The following ESCO1 variants were observed in gnomAD, a reference collection of about 807,000 sequenced individuals.
The protein encoded by ESCO1 is establishment of sister chromatid cohesion N-acetyltransferase 1.
In ESCO1, 33 loss-of-function variants were observed where a neutral mutation model predicts 83.5. The observed-to-expected ratio is 0.40, with a 90% confidence interval of 0.30 to 0.53. The LOEUF (loss-of-function observed/expected upper bound fraction) is 0.53. Among genes scored for constraint, ESCO1 ranks in the 20% least tolerant of loss-of-function variants. The pLI is 0.63. For synonymous variants in ESCO1, 332 were observed against 324.3 expected (o/e 1.02, Z -0.25); for missense variants, 855 against 968.0 (o/e 0.88, Z 1.55).
chr18:21,572,328 G>T (rs2038352061), intron 4 of ESCO1, among the ~76,000 whole-genome samples: 1 of 152,090 alleles, frequency 6.6e-6, no homozygotes, highest in Non-Finnish European at 1.5e-5. Context: ...CTGCTTATTG[G>T]TTTTATATAT....
intron 10 of ESCO1, among the ~76,000 whole-genome samples, chr18:21,535,288 C>T (rs1270692397): frequency 6.6e-6 from 1 of 151,634 alleles, no homozygotes; most frequent in African/African-American, 2.4e-5. Context: ...GACCTTGGCT[C>T]ACTACAACCT....
intron 8 of ESCO1, among the ~76,000 whole-genome samples, chr18:21,548,222 G>A (rs1295929255): frequency 1.3e-5 from 2 of 152,230 alleles, no homozygotes; most frequent in Non-Finnish European, 2.9e-5. Context: ...GCCAGGTACA[G>A]TGATTCACAC....
chr18:21,554,892 A>G (rs2038092989), intron 8 of ESCO1, among the ~76,000 whole-genome samples: 1 of 152,034 alleles, frequency 6.6e-6, no homozygotes, highest in African/African-American at 2.4e-5. Context: ...TGGGGGACAG[A>G]GTGAGGCTCC....
chr18:21,582,554 G>A (rs530807208), intron 2 of ESCO1, among the ~76,000 whole-genome samples: 1 of 152,228 alleles, frequency 6.6e-6, no homozygotes, highest in East Asian at 1.9e-4. Context: ...TTGTTTTCAC[G>A]TGAGAAAGGC....
chr18:21,590,153 C>T (rs1445292999), intron 1 of ESCO1, among the ~76,000 whole-genome samples: 1 of 151,420 alleles, frequency 6.6e-6, no homozygotes, highest in Non-Finnish European at 1.5e-5. Flanking sequence ...AGTTATTTTC[C>T]CTTACTACCT....
chr18:21,580,188 C>T (rs1321902315), intron 2 of ESCO1, among the ~76,000 whole-genome samples: 3 of 151,938 alleles, frequency 2.0e-5, no homozygotes, highest in Non-Finnish European at 2.9e-5. Context: ...CATGAATCAC[C>T]GCGCCCAGCC....
At chr18:21,583,547 G>A (rs1379573845) in intron 2 of ESCO1, among the ~76,000 whole-genome samples, 1 of 152,040 alleles carries the variant, frequency 6.6e-6, no homozygotes, top group Non-Finnish European at 1.5e-5. Flanking sequence ...AGGAGGCTGA[G>A]GCAGGAGAAC....
intron 1 of ESCO1, among the ~76,000 whole-genome samples, chr18:21,591,779 C>A (rs1035539221): frequency 1.3e-4 from 19 of 151,304 alleles, no homozygotes; most frequent in African/African-American, 4.6e-4. Flanking sequence ...AACAAGTGAA[C>A]AAAGGTCTCT....
intron 1 of ESCO1, among the ~76,000 whole-genome samples, chr18:21,587,052 T>C (rs374480112): frequency 6.6e-6 from 1 of 152,210 alleles, no homozygotes; most frequent in African/African-American, 2.4e-5. Context: ...CTGATTTTTA[T>C]ATGCTGAACC....
At chr18:21,567,612 G>GTTC (rs1216413236) in intron 5 of ESCO1, among the ~76,000 whole-genome samples, 1 of 152,088 alleles carries the variant, frequency 6.6e-6, no homozygotes, top group Non-Finnish European at 1.5e-5. Context: ...GTAAATAAGG[G>GTTC]TTAAAGATAA....
chr18:21,567,551 CATTT>C (rs1167999047), intron 5 of ESCO1, among the ~76,000 whole-genome samples: 2 of 151,134 alleles, frequency 1.3e-5, no homozygotes, highest in African/African-American at 4.9e-5. Context: ...CAATTTGCAG[CATTT>C]ATTAAATCCT....
chr18:21,571,039 G>C (rs1218485876), intron 4 of ESCO1, among the ~76,000 whole-genome samples: 1 of 151,748 alleles, frequency 6.6e-6, no homozygotes, highest in African/African-American at 2.4e-5. Context: ...TAACTTTAAA[G>C]GATTTTCAGT....
At chr18:21,596,439 T>C (rs1219850228) in intron 1 of ESCO1, among the ~76,000 whole-genome samples, 1 of 152,168 alleles carries the variant, frequency 6.6e-6, no homozygotes, top group Non-Finnish European at 1.5e-5. Flanking sequence ...TTAAAGTTCT[T>C]AGAAAAGCTC....
intron 1 of ESCO1, among the ~76,000 whole-genome samples, chr18:21,599,326 G>A (rs777411561): frequency 6.6e-6 from 1 of 152,210 alleles, no homozygotes; most frequent in African/African-American, 2.4e-5. Flanking sequence ...CTGGGCGACA[G>A]AGCGAGACCC....
chr18:21,557,771 G>A (rs192662150), intron 8 of ESCO1, among the ~76,000 whole-genome samples: 2 of 152,274 alleles, frequency 1.3e-5, no homozygotes, highest in East Asian at 1.9e-4. Flanking sequence ...GTTCCTGATA[G>A]GTTTCTGGCA....
At chr18:21,593,182 A>G in intron 1 of ESCO1, 1 of 190,484 alleles carries the variant, frequency 5.2e-6, no homozygotes. Context: ...CACTTCCTAG[A>G]CGGGGTGGCA....
chr18:21,542,474 G>C (rs1366959449), intron 8 of ESCO1, among the ~76,000 whole-genome samples: 1 of 152,162 alleles, frequency 6.6e-6, no homozygotes, highest in Non-Finnish European at 1.5e-5. Flanking sequence ...CTCTGATTCT[G>C]TTTCCTGATC....
chr18:21,559,285 G>A (rs1036392478), intron 8 of ESCO1, among the ~76,000 whole-genome samples: 3 of 152,218 alleles, frequency 2.0e-5, no homozygotes, highest in Non-Finnish European at 2.9e-5. Flanking sequence ...CATCAAGGGG[G>A]GGTTGGAGGA....
intron 1 of ESCO1, among the ~76,000 whole-genome samples, chr18:21,598,855 A>G (rs926062738): frequency 3.9e-5 from 6 of 152,158 alleles, no homozygotes; most frequent in African/African-American, 1.4e-4. Flanking sequence ...CCAAAGTCAC[A>G]TATCTGACCC....
Sources: gnomAD v4.1 joint callset for allele counts (sites outside exome capture counted in the v4.1 genomes callset) on GRCh38, gnomAD v4.1.1 for gene constraint, MANE v1.5 for transcripts, NCBI Gene and HGNC (gene_info 2026-07-23, HGNC 2026-07-21) for gene names.